MAP3K7: variants seen among roughly 807,000 people sequenced by gnomAD.
MAP3K7 encodes the protein TGF-beta activated kinase 1.
MAP3K7 carries 21 observed loss-of-function variants against 84.8 expected under a neutral mutation model. The observed-to-expected ratio is 0.25, with a 90% CI of 0.18 to 0.36. MAP3K7 has a LOEUF of 0.36. Ranked by LOEUF, MAP3K7 falls within the 10% of genes least tolerant of loss-of-function variation. MAP3K7 has a pLI of 1.00. For synonymous variants in MAP3K7, 241 were observed against 247.7 expected, an observed-to-expected ratio of 0.97 and a Z score of 0.25; for missense variants, 503 against 747.7, an observed-to-expected ratio of 0.67 and a Z score of 3.82.
chr6:90,573,607 C>T (rs1409248545), intron 1 of MAP3K7, among the ~76,000 whole-genome samples: 1 of 152,168 alleles, frequency 6.6e-6, no homozygotes, highest in Non-Finnish European at 1.5e-5. Context: ...CTATGTGCTT[C>T]TCATACATTA....
intron 1 of MAP3K7, among the ~76,000 whole-genome samples, chr6:90,584,971 T>C (rs188748220): frequency 1.8e-3 from 276 of 152,268 alleles, no homozygotes; most frequent in Non-Finnish European, 3.0e-3. Context: ...CATTTCCCCC[T>C]CTTTTCAAAA....
chr6:90,519,202 A>G (rs2127954731), intron 15 of MAP3K7, 56 bp downstream of exon 15: 3 of 1,186,670 alleles, frequency 2.5e-6, no homozygotes, highest in Non-Finnish European at 3.7e-6. Flanking sequence ...ACAATTGTCA[A>G]CTTAAACTCT....
At chr6:90,581,656 G>A (rs972685927) in intron 1 of MAP3K7, among the ~76,000 whole-genome samples, 10 of 152,018 alleles carry the variant, frequency 6.6e-5, no homozygotes, top group Admixed American at 2.6e-4. Context: ...TAAGCTACAC[G>A]TGTACAATGC....
At chr6:90,576,278 C>T (rs952316657) in intron 1 of MAP3K7, among the ~76,000 whole-genome samples, 4 of 151,916 alleles carry the variant, frequency 2.6e-5, no homozygotes, top group African/African-American at 4.8e-5. Flanking sequence ...AAAAAATTAA[C>T]GGGGCGTGGT....
chr6:90,534,539 G>A (rs1242663697), intron 13 of MAP3K7, among the ~76,000 whole-genome samples: 1 of 152,060 alleles, frequency 6.6e-6, no homozygotes, highest in Non-Finnish European at 1.5e-5. Context: ...CTTTCAGAGT[G>A]GTCTATGACA....
intron 12 of MAP3K7, among the ~76,000 whole-genome samples, chr6:90,537,530 G>A (rs1174427184): frequency 3.9e-5 from 6 of 151,980 alleles, no homozygotes; most frequent in Non-Finnish European, 7.4e-5. Flanking sequence ...AATAATATGT[G>A]TAGTGAATAT....
At chr6:90,540,041 A>C (rs1338784666) in intron 12 of MAP3K7, among the ~76,000 whole-genome samples, 1 of 151,924 alleles carries the variant, frequency 6.6e-6, no homozygotes, top group African/African-American at 2.4e-5. Context: ...AGGACACCTA[A>C]GGTTTCTTTT....
At chr6:90,565,954 G>A (rs1169643621) in intron 3 of MAP3K7, among the ~76,000 whole-genome samples, 3 of 152,092 alleles carry the variant, frequency 2.0e-5, no homozygotes, top group African/African-American at 7.2e-5. Flanking sequence ...CAGAACCAAT[G>A]ACAAAAACCA....
At chr6:90,531,658 G>A (rs1775508679) in intron 13 of MAP3K7, among the ~76,000 whole-genome samples, 1 of 152,054 alleles carries the variant, frequency 6.6e-6, no homozygotes, top group Non-Finnish European at 1.5e-5. Context: ...AAAGGTGTCT[G>A]TTCTCCAACA....
chr6:90,518,708 A>G (rs1374879462), intron 15 of MAP3K7, 146 bp from the exon 16 acceptor site: 3 of 596,884 alleles, frequency 5.0e-6, no homozygotes, highest in Non-Finnish European at 8.8e-6. Flanking sequence ...TGCCCTAGAA[A>G]ATCTCAGTGT....
chr6:90,554,555 C>T (rs1308229261), intron 6 of MAP3K7, among the ~76,000 whole-genome samples: 4 of 152,168 alleles, frequency 2.6e-5, no homozygotes, highest in African/African-American at 9.7e-5. Flanking sequence ...TGTAATATAG[C>T]ACTACAACCA....
chr6:90,536,773 T>TA (rs1360349491), intron 12 of MAP3K7: 1 of 178,416 alleles, frequency 5.6e-6, no homozygotes, highest in East Asian at 1.5e-4. Context: ...GGCCTTACGT[T>TA]ACAGTTTTTA....
At chr6:90,519,739 G>A (rs1160723711) in intron 14 of MAP3K7, among the ~76,000 whole-genome samples, 1 of 150,420 alleles carries the variant, frequency 6.6e-6, no homozygotes, top group Non-Finnish European at 1.5e-5. Flanking sequence ...TAATATCAAT[G>A]TTCCTTAACA....
At chr6:90,519,193 C>T (rs1187950091) in intron 15 of MAP3K7, 65 bp downstream of exon 15, 1 of 1,066,352 alleles carries the variant, frequency 9.4e-7, no homozygotes, top group Non-Finnish European at 1.4e-6. Context: ...GGTAGCAACA[C>T]AATTGTCAAC....
chr6:90,581,815 A>G (rs3799897), intron 1 of MAP3K7, among the ~76,000 whole-genome samples: 32,691 of 152,102 alleles, frequency 0.21, 4,064 homozygotes, highest in Non-Finnish European at 0.29. Flanking sequence ...CAGTTTGTTT[A>G]GACCACTATA....
At chr6:90,518,382 C>A in intron 16 of MAP3K7, 65 bp downstream of exon 16, 1 of 850,328 alleles carries the variant, frequency 1.2e-6, no homozygotes, top group Non-Finnish European at 1.8e-6. Flanking sequence ...TTTCATTGCA[C>A]CTTATCATAT....
chr6:90,586,701 C>T, intron 1 of MAP3K7, 63 bp downstream of exon 1: 1 of 1,538,068 alleles, frequency 6.5e-7, no homozygotes, highest in Non-Finnish European at 8.8e-7. Flanking sequence ...TCAGAGCCGG[C>T]ACCAGGCAGA....
At chr6:90,581,331 C>T (rs1350930671) in intron 1 of MAP3K7, among the ~76,000 whole-genome samples, 1 of 152,162 alleles carries the variant, frequency 6.6e-6, no homozygotes, top group African/African-American at 2.4e-5. Flanking sequence ...GTTCTATGAA[C>T]TATCTGAATG....
chr6:90,531,723 C>T (rs767153973), intron 13 of MAP3K7, among the ~76,000 whole-genome samples: 1 of 151,964 alleles, frequency 6.6e-6, no homozygotes, highest in African/African-American at 2.4e-5. Context: ...GAGGCTGAGG[C>T]GGGCAGATCG....
Sources: gnomAD v4.1 joint callset for allele counts (sites outside exome capture counted in the v4.1 genomes callset) on GRCh38, gnomAD v4.1.1 for gene constraint, MANE v1.5 for transcripts, NCBI Gene and HGNC (gene_info 2026-07-23, HGNC 2026-07-21) for gene names.